Variants in CUL3 observed in about 807,000 individuals in gnomAD.
The protein encoded by CUL3 is cullin-3.
CUL3 carries 19 observed loss-of-function variants against 89.1 expected under a neutral mutation model. The ratio of observed to expected loss-of-function variants is 0.21; its 90% CI spans 0.15 to 0.31. The LOEUF (loss-of-function observed/expected upper bound fraction) is 0.31. Ranked by LOEUF, CUL3 falls within the 10% of genes least tolerant of loss-of-function variation. CUL3 has a pLI of 1.00. For synonymous variants in CUL3, 351 were observed against 308.4 expected, an observed-to-expected ratio of 1.14 and a Z score of -1.45; for missense variants, 469 against 942.3, an observed-to-expected ratio of 0.50 and a Z score of 6.58.
chr2:224,565,224 G>A (rs958923037), intron 1 of CUL3, among the ~76,000 whole-genome samples: 2 of 152,032 alleles, frequency 1.3e-5, no homozygotes, highest in Non-Finnish European at 2.9e-5. Flanking sequence ...CGTATTCTTA[G>A]AATAAAGAGA....
intron 1 of CUL3, among the ~76,000 whole-genome samples, chr2:224,564,173 C>T (rs1344391667): frequency 6.6e-6 from 1 of 152,134 alleles, no homozygotes. Context: ...GTAATCTCAG[C>T]TACTTGGGAG....
intron 2 of CUL3, 152 bp downstream of exon 2, chr2:224,557,507 T>G: frequency 2.3e-6 from 1 of 436,258 alleles, no homozygotes; most frequent in African/African-American, 2.3e-5. Context: ...GATTATAAAT[T>G]TTTCATGAGT....
At chr2:224,548,603 G>T (rs1410228038) in intron 2 of CUL3, among the ~76,000 whole-genome samples, 1 of 152,108 alleles carries the variant, frequency 6.6e-6, no homozygotes, top group Non-Finnish European at 1.5e-5. Flanking sequence ...TAAAGATGAA[G>T]AAATTAAGCA....
Position 224,506,857 on chromosome 2 carries a change from C to G in CUL3, c.1029+1G>C, listed in dbSNP as rs768854338. On this transcript the variant is annotated splice_donor_variant, in intron 7 of 15. Coordinates refer to ENST00000264414, the MANE Select transcript of CUL3 (RefSeq NM_003590.5). LOFTEE classifies it high-confidence loss of function. The stretch of plus-strand genomic sequence containing the variant: ...ACAGAGAATCTTCTGGGTTTACTTA[C>G]CTGGATATAGTCAACAGGATTCTTT... The G allele has an allele frequency of 6.2e-7, 1 of 1,611,568 alleles. No homozygotes were observed. The highest frequency in any genetic ancestry group is 2.2e-5 in the East Asian group (1 of 44,756).
intron 2 of CUL3, among the ~76,000 whole-genome samples, chr2:224,540,250 G>A (rs1694053030): frequency 6.6e-6 from 1 of 151,686 alleles, no homozygotes; most frequent in South Asian, 2.1e-4. Context: ...AGAGACAACG[G>A]TTTCACCTTG....
intron 13 of CUL3, among the ~76,000 whole-genome samples, chr2:224,494,055 CT>C (rs1692079461): frequency 6.6e-6 from 1 of 152,168 alleles, no homozygotes. Context: ...CACTGAGCTA[CT>C]AAAATACCTA....
chr2:224,503,887 AT>A, intron 8 of CUL3, 65 bp from the exon 9 acceptor site: 3 of 1,204,490 alleles, frequency 2.5e-6, no homozygotes, highest in Non-Finnish European at 3.4e-6. Context: ...ACTACGGTTC[AT>A]TTACAGCTTA....
At chr2:224,548,661 A>G (rs1290012635) in intron 2 of CUL3, among the ~76,000 whole-genome samples, 1 of 152,178 alleles carries the variant, frequency 6.6e-6, no homozygotes, top group African/African-American at 2.4e-5. Context: ...TTGAGATAAT[A>G]AAGCTCTTCC....
At chr2:224,549,316 G>C (rs771593878) in intron 2 of CUL3, among the ~76,000 whole-genome samples, 2 of 143,602 alleles carry the variant, frequency 1.4e-5, no homozygotes, top group Admixed American at 7.0e-5. Flanking sequence ...ACCTTGTCTC[G>C]GAAAATAAAT....
chr2:224,519,360 T>C (rs1203455213), intron 3 of CUL3, among the ~76,000 whole-genome samples: 3 of 152,140 alleles, frequency 2.0e-5, no homozygotes, highest in Non-Finnish European at 4.4e-5. Context: ...AAAACACTTA[T>C]GGTCACAAGC....
chr2:224,549,834 TCTGA>T (rs1694442328), intron 2 of CUL3, among the ~76,000 whole-genome samples: 2 of 152,070 alleles, frequency 1.3e-5, no homozygotes, highest in South Asian at 2.1e-4. Flanking sequence ...TGCTTTAGTA[TCTGA>T]CTTACATATA....
At chr2:224,521,400 A>C (rs1256829727) in intron 3 of CUL3, among the ~76,000 whole-genome samples, 1 of 151,460 alleles carries the variant, frequency 6.6e-6, no homozygotes. Context: ...TTTTAATAAC[A>C]TGTTTGCTTT....
At chr2:224,543,312 T>C (rs1407392904) in intron 2 of CUL3, among the ~76,000 whole-genome samples, 1 of 152,144 alleles carries the variant, frequency 6.6e-6, no homozygotes, top group African/African-American at 2.4e-5. Flanking sequence ...TTGGCATTAC[T>C]GTCCATCAAA....
At chr2:224,504,817 C>G (rs1692529368) in intron 8 of CUL3, among the ~76,000 whole-genome samples, 1 of 152,116 alleles carries the variant, frequency 6.6e-6, no homozygotes, top group Non-Finnish European at 1.5e-5. Context: ...AAAATGAAGT[C>G]AAAAGAGACC....
At chr2:224,503,943 C>A (rs1034246051) in intron 8 of CUL3, 121 bp from the exon 9 acceptor site, 2 of 702,010 alleles carry the variant, frequency 2.8e-6, no homozygotes, top group African/African-American at 1.8e-5. Flanking sequence ...TGACATACAT[C>A]AAAAAAAGGG....
At chr2:224,549,147 T>C (rs988899703) in intron 2 of CUL3, among the ~76,000 whole-genome samples, 15 of 151,892 alleles carry the variant, frequency 9.9e-5, no homozygotes, top group African/African-American at 3.6e-4. Context: ...CAAAACACCA[T>C]ATTTACTAAA....
rs1294599939 is a variant in CUL3 at position 224,511,151 on chromosome 2, A to G, written c.883+203T>C. On this transcript the variant is annotated intron_variant, in intron 6 of 15. Coordinates refer to ENST00000264414, the MANE Select transcript of CUL3 (RefSeq NM_003590.5). ...GAGACTTAAAGACAGGAAATGCTCA[A>G]TTCATTAGAAATATCTAAAATCTTC... Among the ~76,000 whole-genome samples, 7 of 152,210 alleles carry G rather than the reference A, an allele frequency of 4.6e-5. No individual in the cohort carries two copies. In the East Asian group the frequency reaches 1.2e-3, roughly 25 times the overall value.
At chr2:224,518,318 A>T (rs1693140351) in intron 3 of CUL3, among the ~76,000 whole-genome samples, 1 of 152,192 alleles carries the variant, frequency 6.6e-6, no homozygotes, top group Non-Finnish European at 1.5e-5. Context: ...CCTTCTGTTT[A>T]GGGCTAAACA....
intron 3 of CUL3, among the ~76,000 whole-genome samples, chr2:224,521,768 A>G (rs1693274625): frequency 6.6e-6 from 1 of 152,014 alleles, no homozygotes; most frequent in East Asian, 1.9e-4. Flanking sequence ...CTGGTCCCAC[A>G]TATGGCCAGC....
Sources: allele counts gnomAD v4.1 joint callset (sites outside exome capture counted in the v4.1 genomes callset), GRCh38; gene constraint gnomAD v4.1.1; transcripts MANE v1.5; gene names NCBI Gene and HGNC (gene_info 2026-07-23, HGNC 2026-07-21).